SERPINB7: variants seen among roughly 807,000 people sequenced by gnomAD.
SERPINB7 encodes serpin family B member 7, also known as serpin B7.
SERPINB7 carries 31 observed loss-of-function variants against 37.4 expected under a neutral mutation model. The observed-to-expected ratio is 0.83, with a 90% CI of 0.62 to 1.12. The LOEUF is 1.12. Among genes scored for constraint, SERPINB7 ranks in the 50% most tolerant of loss-of-function variants. SERPINB7 has a pLI of 0.00. For synonymous variants in SERPINB7, 163 were observed against 166.1 expected (o/e 0.98, Z 0.14); for missense variants, 521 against 455.3 (o/e 1.14, Z -1.31).
chr18:63,804,430 G>A lies in SERPINB7; in HGVS notation c.938G>A (p.Gly313Glu). Residue 313 changes from glycine (G) to glutamate (E), a missense_variant, in exon 8 of 8, where the codon GGG (glycine) becomes GAG (glutamate). Gly to Glu is a moderately conservative substitution (Grantham distance 98). Transcript: ENST00000398019. ...GCAGATCTCTCTGGGATTGCTTCGG[G>A]GGGTCGTCTGTATATATCAAGGATG... Reference protein sequence around the residue: ...SKADLSGIASGGRLYISRMMH... With the variant: ...SKADLSGIASEGRLYISRMMH... The A allele has an allele frequency of 6.2e-7, 1 of 1,613,678 alleles. No individual in the cohort carries two copies. The highest frequency in any genetic ancestry group is 8.5e-7 in the Non-Finnish European group (1 of 1,179,824).
chr18:63,800,353 C>A (rs984843411), intron 6 of SERPINB7, among the ~76,000 whole-genome samples: 1 of 151,984 alleles, frequency 6.6e-6, no homozygotes, highest in Non-Finnish European at 1.5e-5. Context: ...TGAGCCACAG[C>A]GCCTGGTCTT....
At chr18:63,781,469 T>TGGACATTCATGAGGATGTAATATCAC (rs2049300502) in intron 1 of SERPINB7, among the ~76,000 whole-genome samples, 1 of 152,188 alleles carries the variant, frequency 6.6e-6, no homozygotes, top group African/African-American at 2.4e-5. Flanking sequence ...TGTAATATCA[T>TGGACATTCATGAGGATGTAATATCAC]TGGACATTCA....
intron 1 of SERPINB7, among the ~76,000 whole-genome samples, chr18:63,766,379 T>G (rs1416010546): frequency 6.6e-6 from 1 of 152,182 alleles, no homozygotes; most frequent in Non-Finnish European, 1.5e-5. Flanking sequence ...TTTACCAAAT[T>G]CCTGTTTTTC....
chr18:63,761,670 C>T (rs2144586036), intron 1 of SERPINB7, among the ~76,000 whole-genome samples: 1 of 152,252 alleles, frequency 6.6e-6, no homozygotes, highest in East Asian at 1.9e-4. Context: ...CTGTGCTATT[C>T]TCGTGATAGT....
At chr18:63,778,752 T>A (rs1013550125) in intron 1 of SERPINB7, among the ~76,000 whole-genome samples, 1 of 152,114 alleles carries the variant, frequency 6.6e-6, no homozygotes, top group East Asian at 1.9e-4. Context: ...AGCTAAAGGA[T>A]GAAAGGGATA....
chr18:63,755,300 A>G (rs2049115701), intron 1 of SERPINB7, among the ~76,000 whole-genome samples: 1 of 151,994 alleles, frequency 6.6e-6, no homozygotes, highest in Admixed American at 6.6e-5. Context: ...TGAAAAATAC[A>G]TTTTTCATGG....
intron 1 of SERPINB7, among the ~76,000 whole-genome samples, chr18:63,756,187 A>T (rs1332210267): frequency 1.3e-5 from 2 of 152,272 alleles, no homozygotes; most frequent in African/African-American, 4.8e-5. Flanking sequence ...CTTTTCCTCA[A>T]TGTGCACAGG....
intron 1 of SERPINB7, among the ~76,000 whole-genome samples, chr18:63,776,198 A>G (rs948520735): frequency 2.0e-5 from 3 of 152,098 alleles, no homozygotes; most frequent in Non-Finnish European, 4.4e-5. Context: ...TTTTAAAATA[A>G]TGAAATATAA....
chr18:63,765,044 T>C (rs1020177499), intron 1 of SERPINB7, among the ~76,000 whole-genome samples: 62 of 152,266 alleles, frequency 4.1e-4, no homozygotes, highest in African/African-American at 1.4e-3. Context: ...GCAGAATTTG[T>C]TTATGACAAA....
At position 63,804,427 on chromosome 18, in the gene SERPINB7, C is replaced by T. The variant is rs775486374; in HGVS notation, c.935C>T (p.Ser312Leu). 48 of 1,613,528 alleles carry T rather than the reference C, an allele frequency of 3.0e-5. No individual in the cohort carries two copies. Among genetic ancestry groups the T allele is most frequent in the Middle Eastern group, 1.6e-4 (1 of 6,078 alleles). ...ESKADLSGIASGGRLYISRMM... is the reference protein window; with the variant it reads ...ESKADLSGIALGGRLYISRMM... ...AAAGCAGATCTCTCTGGGATTGCTT[C>T]GGGGGGTCGTCTGTATATATCAAGG... Residue 312 changes from serine (S) to leucine (L), a missense_variant, in exon 8 of 8, where the codon TCG (serine) becomes TTG (leucine). Physicochemically the swap from Ser to Leu is moderately radical, Grantham distance 145. Transcript: ENST00000398019.
In SERPINB7 at chr18:63,783,215, AGAGAGAGAGAGAG is replaced by A. The variant is rs1568207695; in HGVS notation, c.168+676_168+688del. Among the ~76,000 whole-genome samples the A allele has an allele frequency of 4.3e-3, 319 of 74,756 alleles. 5 individuals are homozygous for A. The highest frequency in any genetic ancestry group is 0.024 in the East Asian group (52 of 2,166). The allele number at this position is 74,756 out of a possible 152,430, so 49.0% of individuals were successfully genotyped here. On this transcript the variant is annotated intron_variant, in intron 2 of 7. Coordinates refer to ENST00000398019, the MANE Select transcript of SERPINB7 (RefSeq NM_003784.4). ...GAGAGAGAGAGAGAGAGAGAGAGAG[AGAGAGAGAGAGAG>A]AGAGAGAAAGAAAGAAAGAAAGAAA...
rs144462847 is a variant in SERPINB7 at position 63,785,049 on chromosome 18, CAT to C, written c.168+2510_168+2511del. On this transcript the variant is annotated intron_variant, in intron 2 of 7. Transcript: ENST00000398019. ...TCTTTACTGCCTCATCAATTACTCT[CAT>C]GTGTGACTTTTTATAACTCTTACTA... Among the ~76,000 whole-genome samples the C allele has an allele frequency of 5.8e-3, 884 of 152,292 alleles. 5 individuals are homozygous for C. The highest frequency in any genetic ancestry group is 0.02 in the African/African-American group (813 of 41,564).
At chr18:63,797,956 A>G (rs560939717) in intron 5 of SERPINB7, among the ~76,000 whole-genome samples, 9 of 152,308 alleles carry the variant, frequency 5.9e-5, no homozygotes, top group Admixed American at 2.0e-4. Flanking sequence ...CTTCAGCTAA[A>G]GCAGATAGCC....
intron 1 of SERPINB7, among the ~76,000 whole-genome samples, chr18:63,756,782 G>GTAAGTTCAATTAAAC (rs2049124267): frequency 3.4e-5 from 5 of 147,274 alleles, no homozygotes; most frequent in African/African-American, 1.2e-4. Context: ...TTTGCCAGTT[G>GTAAGTTCAATTAAAC]TTTCCAGGGT....
intron 3 of SERPINB7, among the ~76,000 whole-genome samples, 198 bp from the exon 4 acceptor site, chr18:63,792,963 G>A (rs926478341): frequency 3.3e-5 from 5 of 152,138 alleles, no homozygotes; most frequent in Admixed American, 3.3e-4. Context: ...CAAGTATTTA[G>A]TAAATTATTT....
At chr18:63,803,098 G>C (rs1010874986) in intron 7 of SERPINB7, among the ~76,000 whole-genome samples, 4 of 152,126 alleles carry the variant, frequency 2.6e-5, no homozygotes, top group African/African-American at 9.7e-5. Flanking sequence ...TGCACTTACT[G>C]TCTGAATTTT....
intron 1 of SERPINB7, among the ~76,000 whole-genome samples, chr18:63,759,801 G>C (rs549312964): frequency 6.6e-6 from 1 of 152,142 alleles, no homozygotes; most frequent in African/African-American, 2.4e-5. Flanking sequence ...TTCCGCTCTT[G>C]CTTCTTCCTC....
At chr18:63,785,253 C>T (rs2049352642) in intron 2 of SERPINB7, among the ~76,000 whole-genome samples, 1 of 152,216 alleles carries the variant, frequency 6.6e-6, no homozygotes, top group African/African-American at 2.4e-5. Context: ...ACCCTTGTCA[C>T]CATAAATCAC....
At chr18:63,783,226 GAGAGAGAGAAAGAAAGAAAGAA>G (rs1282280189) in intron 2 of SERPINB7, among the ~76,000 whole-genome samples, 27 of 62,866 alleles carry the variant, frequency 4.3e-4, no homozygotes, top group Non-Finnish European at 6.4e-4. Context: ...GAGAGAGAGA[GAGAGAGAGAAAGAAAGAAAGAA>G]AGAAAGAAAG....
Sources: gnomAD v4.1 joint callset for allele counts (sites outside exome capture counted in the v4.1 genomes callset) on GRCh38, gnomAD v4.1.1 for gene constraint, MANE v1.5 for transcripts, NCBI Gene and HGNC (gene_info 2026-07-23, HGNC 2026-07-21) for gene names.